The following PCID2 variants were observed in gnomAD, a reference collection of about 807,000 sequenced individuals.
PCID2 encodes PCI domain-containing protein 2.
Under a neutral mutation model 61.3 loss-of-function variants are expected in PCID2, and 41 were observed. That is an observed-to-expected ratio of 0.67 (90% confidence interval 0.52 to 0.87). The LOEUF is 0.87. Among genes scored for constraint, PCID2 ranks in the 40% least tolerant of loss-of-function variants. The probability of loss-of-function intolerance (pLI) is 0.00; values close to 1 mark genes in which losing one functional copy is unlikely to be tolerated. For synonymous variants in PCID2, 187 were observed against 177.8 expected (o/e 1.05, Z -0.41); for missense variants, 392 against 493.4 (o/e 0.79, Z 1.95).
intron 1 of PCID2, among the ~76,000 whole-genome samples, chr13:113,207,698 A>G (rs559923961): frequency 6.6e-6 from 1 of 152,344 alleles, no homozygotes; most frequent in East Asian, 1.9e-4. Flanking sequence ...TCAGCTATCA[A>G]GTACGTATCT....
downstream of PCID2, among the ~76,000 whole-genome samples, chr13:113,174,237 CAA>C (rs796254368): frequency 6.9e-5 from 8 of 115,750 alleles, no homozygotes; most frequent in African/African-American, 9.8e-5. Context: ...GACTCCATCT[CAA>C]AAAAAAAAAA....
intron 13 of PCID2, 47 bp from the exon 14 acceptor site, chr13:113,178,334 T>C: frequency 3.5e-6 from 5 of 1,417,658 alleles, no homozygotes; most frequent in Non-Finnish European, 5.0e-6. Context: ...TGGATCTGAG[T>C]CATGTCAAAG....
the PCID2 span, chr13:113,171,665 G>A: frequency 4.3e-6 from 7 of 1,614,066 alleles, no homozygotes; most frequent in East Asian, 2.2e-5. This position sits in a 1 kb window ranked among gnomAD's most constrained non-coding sequence, Gnocchi z 5.1. Flanking sequence ...GCGGTATGAC[G>A]CGGACGCGGG....
At chr13:113,189,424 C>A (rs1366180531) in intron 7 of PCID2, among the ~76,000 whole-genome samples, 1 of 152,032 alleles carries the variant, frequency 6.6e-6, no homozygotes, top group Non-Finnish European at 1.5e-5. Flanking sequence ...TCCCCAGCCT[C>A]AGGTATTCCT....
chr13:113,193,055 C>G (rs1298351767), intron 6 of PCID2, among the ~76,000 whole-genome samples: 1 of 152,106 alleles, frequency 6.6e-6, no homozygotes, highest in Non-Finnish European at 1.5e-5. Flanking sequence ...CTGACTTGAT[C>G]TGGACCTCCC....
chr13:113,197,059 T>C (rs2039068127), intron 4 of PCID2, 119 bp downstream of exon 4: 1 of 1,614,122 alleles, frequency 6.2e-7, no homozygotes, highest in Admixed American at 1.7e-5. Flanking sequence ...TCCAAAACAC[T>C]GTCATTCCTT....
At position 113,179,227 on chromosome 13, in the gene PCID2, AC is replaced by A. The variant is rs2037395344; in HGVS notation, c.987-139del. 1.1e-5 allele frequency: 6 copies of A among 560,066 alleles called. No homozygotes were observed. The highest frequency in any genetic ancestry group is 1.2e-5 in the Non-Finnish European group (4 of 327,826). The allele number at this position is 560,066 out of a possible 1,614,324, so 34.7% of individuals were successfully genotyped here. On this transcript the variant is annotated intron_variant, in intron 12 of 13. Transcript: ENST00000337344. This position sits in a 1 kb window ranked among gnomAD's most constrained non-coding sequence, Gnocchi z 4.3. The stretch of plus-strand genomic sequence containing the variant: ...ACCTATTAGATAAACTCTAAACTAC[AC>A]TCTCAGAGCTATTAAATCTAATTTG...
At chr13:113,197,958 A>G (rs2039145263) in intron 3 of PCID2, among the ~76,000 whole-genome samples, 1 of 152,230 alleles carries the variant, frequency 6.6e-6, no homozygotes, top group Non-Finnish European at 1.5e-5. Context: ...ACTCTACTAA[A>G]AAGACCACTA....
downstream of PCID2, among the ~76,000 whole-genome samples, chr13:113,177,298 C>G (rs1029352654): frequency 1.3e-5 from 2 of 152,038 alleles, no homozygotes; most frequent in African/African-American, 4.8e-5. Context: ...CCACCACGCC[C>G]GGCTAATTTT....
At chr13:113,200,001 T>C (rs1021530888) in intron 2 of PCID2, among the ~76,000 whole-genome samples, 2 of 152,230 alleles carry the variant, frequency 1.3e-5, no homozygotes, top group Non-Finnish European at 2.9e-5. Flanking sequence ...CTCAACATCA[T>C]CTACGCCACA....
intron 6 of PCID2, among the ~76,000 whole-genome samples, chr13:113,193,155 A>C (rs1188409266): frequency 6.6e-6 from 1 of 152,184 alleles, no homozygotes; most frequent in Non-Finnish European, 1.5e-5. Flanking sequence ...ATGGACTAAG[A>C]CATGACTAAC....
chr13:113,168,803 A>G, the PCID2 span, among the ~76,000 whole-genome samples: 1 of 152,094 alleles, frequency 6.6e-6, no homozygotes, highest in Non-Finnish European at 1.5e-5. Flanking sequence ...ATCATGGCTC[A>G]CTGCAGCCTC....
chr13:113,180,494 A>G (rs942479736), intron 10 of PCID2, among the ~76,000 whole-genome samples: 16 of 152,188 alleles, frequency 1.1e-4, no homozygotes, highest in Non-Finnish European at 2.2e-4. Flanking sequence ...CTATAACAGG[A>G]GAGTGATAAC....
At chr13:113,207,572 G>C (rs973440943) in intron 1 of PCID2, among the ~76,000 whole-genome samples, 1 of 152,186 alleles carries the variant, frequency 6.6e-6, no homozygotes, top group Non-Finnish European at 1.5e-5. Context: ...ATTGGCAAGT[G>C]AATGTATACT....
In PCID2 at chr13:113,179,801, A is replaced by C. The variant is rs568825436; in HGVS notation, c.986+116T>G. 6.6e-5 allele frequency: 67 copies of C among 1,017,908 alleles called. No homozygotes were observed. The African/African-American group carries it at 1.0e-3, about 16-fold the overall frequency. 63.1% of individuals were successfully genotyped at this position (1,017,908 alleles called of 1,614,324 possible). On this transcript the variant is annotated intron_variant, in intron 12 of 13. Coordinates refer to ENST00000337344, the MANE Select transcript of PCID2 (RefSeq NM_001127202.4). The surrounding 1 kb of genome is among the most constrained non-coding windows in gnomAD (Gnocchi z 4.3). ...TCATTTTATCCCACACAATGGAAGG[A>C]AGATAACGACCCCACCCACACGGTG...
At chr13:113,197,117 T>C in intron 4 of PCID2, 61 bp downstream of exon 4, 1 of 1,614,118 alleles carries the variant, frequency 6.2e-7, no homozygotes, top group Non-Finnish European at 8.5e-7. Flanking sequence ...GGGTCTCAAG[T>C]CCCAAGTAAT....
intron 1 of PCID2, among the ~76,000 whole-genome samples, chr13:113,202,651 G>A (rs890826500): frequency 1.3e-5 from 2 of 152,324 alleles, no homozygotes; most frequent in African/African-American, 4.8e-5. Context: ...GCTGCGTCTT[G>A]TATAAGAATG....
At position 113,200,469 on chromosome 13, in the gene PCID2, C is replaced by T; in HGVS notation, c.84G>A (p.Leu28=). ...CAACATGAGGATGTTTAAAAGACAC[C>T]AACTCTGCACAAGATGCTCCATCTC... The part of the protein sequence containing the change: ...DSRDGASCAE[L]VSFKHPHVAN... Residue 28 remains leucine, a synonymous_variant, in exon 2 of 14, where the codon TTG becomes TTA. Transcript: ENST00000337344. 1.2e-6 allele frequency: 2 copies of T among 1,613,584 alleles called. No homozygotes were observed. The highest frequency in any genetic ancestry group is 1.7e-6 in the Non-Finnish European group (2 of 1,179,560).
chr13:113,169,822 T>C, the PCID2 span, among the ~76,000 whole-genome samples: 152,353 of 152,372 alleles, frequency 1, 76,167 homozygotes, highest in Non-Finnish European at 1. Context: ...TTAGTCTCCA[T>C]GTACACGTGA....
Sources: allele counts gnomAD v4.1 joint callset (sites outside exome capture counted in the v4.1 genomes callset), GRCh38; gene constraint gnomAD v4.1.1; non-coding constraint Gnocchi (gnomAD v3.1); transcripts MANE v1.5; gene names NCBI Gene and HGNC (gene_info 2026-07-23, HGNC 2026-07-21).